PRMT3: variants seen among roughly 807,000 people sequenced by gnomAD.
PRMT3 encodes the protein protein arginine N-methyltransferase 3.
PRMT3 carries 62 observed loss-of-function variants against 71.9 expected under a neutral mutation model. The ratio of observed to expected loss-of-function variants is 0.86; its 90% CI spans 0.70 to 1.07. The LOEUF (loss-of-function observed/expected upper bound fraction) is 1.07, where lower values mean the gene tolerates loss of function less well. PRMT3 is among the 50% of genes least tolerant of loss of function. PRMT3 has a pLI of 0.00. For synonymous variants in PRMT3, 213 were observed against 220.4 expected (o/e 0.97, Z 0.30); for missense variants, 663 against 643.0 (o/e 1.03, Z -0.34).
intron 6 of PRMT3, among the ~76,000 whole-genome samples, chr11:20,396,636 G>T (rs532002033): frequency 3.3e-5 from 5 of 151,364 alleles, no homozygotes; most frequent in African/African-American, 4.9e-5. Context: ...AGACTTTGTC[G>T]GGGTGGGGTC....
chr11:20,493,703 G>C (rs771015410), intron 13 of PRMT3, among the ~76,000 whole-genome samples: 2 of 152,098 alleles, frequency 1.3e-5, no homozygotes, highest in Non-Finnish European at 2.9e-5. Flanking sequence ...TATTTGATTA[G>C]CCTTATTACC....
At chr11:20,502,575 A>G (rs1184408129) in intron 15 of PRMT3, among the ~76,000 whole-genome samples, 1 of 152,076 alleles carries the variant, frequency 6.6e-6, no homozygotes, top group Non-Finnish European at 1.5e-5. Flanking sequence ...ATTCATTTTG[A>G]CTGGGGTTTT....
At position 20,395,929 on chromosome 11, in the gene PRMT3, T is replaced by C. The variant is rs1565192776; in HGVS notation, c.527T>C (p.Leu176Ser). 1.2e-6 allele frequency: 2 copies of C among 1,613,686 alleles called. No homozygotes were observed. Among genetic ancestry groups the C allele is most frequent in the Middle Eastern group, 1.7e-4 (1 of 6,058 alleles). The change falls in exon 6 of 16, where the codon TTG (leucine) becomes TCG (serine). Residue 176 changes from leucine (L) to serine (S), a missense_variant. Leu to Ser is a moderately radical substitution (Grantham distance 145, BLOSUM62 -2). Transcript: ENST00000331079. The part of the protein sequence containing the change: ...EARALSAEAA[L>S]ARAREDLQKM... ...AGGGCACTGTCTGCTGAAGCCGCAT[T>C]GGCCAGAGCACGTGAGGATCTGCAA... is the stretch of plus-strand genomic sequence containing the variant.
chr11:20,470,745 G>A (rs1480525528), intron 13 of PRMT3, among the ~76,000 whole-genome samples: 5 of 152,088 alleles, frequency 3.3e-5, no homozygotes, highest in African/African-American at 1.2e-4. Context: ...ATATTACACT[G>A]GATATATGTA....
chr11:20,498,369 T>G (rs536187289), intron 15 of PRMT3, among the ~76,000 whole-genome samples: 23 of 152,228 alleles, frequency 1.5e-4, no homozygotes, highest in Admixed American at 1.3e-4. Context: ...TTTTTAAAAT[T>G]TTAACATAAG....
chr11:20,492,450 C>T (rs938562759), intron 13 of PRMT3, among the ~76,000 whole-genome samples: 1 of 152,098 alleles, frequency 6.6e-6, no homozygotes, highest in East Asian at 1.9e-4. Flanking sequence ...TTTTGATTCT[C>T]TCTTGGTATC....
At chr11:20,437,889 G>A (rs541441306) in intron 10 of PRMT3, among the ~76,000 whole-genome samples, 5 of 152,058 alleles carry the variant, frequency 3.3e-5, no homozygotes, top group Non-Finnish European at 5.9e-5. Flanking sequence ...GCGCCCGGCC[G>A]GCAGCAGCAT....
intron 9 of PRMT3, 147 bp from the exon 10 acceptor site, chr11:20,426,619 A>T: frequency 2.3e-6 from 2 of 867,718 alleles, no homozygotes; most frequent in Non-Finnish European, 3.1e-6. Flanking sequence ...ACCATAAAAT[A>T]ATTACAATGT....
In PRMT3 at chr11:20,477,937, C is replaced by G. The variant is rs1395333422; in HGVS notation, c.1347+13391C>G. Among the ~76,000 whole-genome samples, 3 of 152,006 alleles carry G rather than the reference C, an allele frequency of 2.0e-5. No homozygotes were observed. In the East Asian group the frequency reaches 5.8e-4, roughly 29 times the overall value. On this transcript the variant is annotated intron_variant, in intron 13 of 15. Transcript: ENST00000331079. ...TTTCTCCAAATTCCAGGGAACTATA[C>G]TAGTGTACCAGTGCACTGGGCCTGG...
intron 10 of PRMT3, among the ~76,000 whole-genome samples, chr11:20,445,976 T>A (rs1200703522): frequency 6.6e-6 from 1 of 152,192 alleles, no homozygotes; most frequent in Non-Finnish European, 1.5e-5. Flanking sequence ...AAAGGTTTTT[T>A]AAATTTTACT....
At chr11:20,404,105 C>T (rs2133315861) in intron 8 of PRMT3, among the ~76,000 whole-genome samples, 1 of 150,846 alleles carries the variant, frequency 6.6e-6, no homozygotes, top group South Asian at 2.1e-4. Context: ...TGATTCCCAC[C>T]AGAGACAAAT....
intron 13 of PRMT3, among the ~76,000 whole-genome samples, chr11:20,469,348 G>A (rs1850589330): frequency 6.6e-6 from 1 of 152,212 alleles, no homozygotes; most frequent in Non-Finnish European, 1.5e-5. Context: ...TACTCTGTAT[G>A]CCAAGTGGCA....
chr11:20,501,706 T>C (rs1446131085), intron 15 of PRMT3, among the ~76,000 whole-genome samples: 1 of 152,224 alleles, frequency 6.6e-6, no homozygotes, highest in Non-Finnish European at 1.5e-5. Context: ...TAGAGTTATT[T>C]TGCCTAGATG....
intron 10 of PRMT3, among the ~76,000 whole-genome samples, chr11:20,434,678 C>T (rs557930878): frequency 2.6e-5 from 4 of 152,122 alleles, no homozygotes; most frequent in East Asian, 1.9e-4. Context: ...ATCTTCAATC[C>T]GATTGAAGGT....
chr11:20,425,661 G>A (rs1186732679), intron 9 of PRMT3, among the ~76,000 whole-genome samples: 1 of 152,122 alleles, frequency 6.6e-6, no homozygotes, highest in Non-Finnish European at 1.5e-5. Flanking sequence ...AAAAGAATCA[G>A]CACGATTCTG....
intron 11 of PRMT3, among the ~76,000 whole-genome samples, chr11:20,455,750 G>A (rs1850254192): frequency 6.6e-6 from 1 of 151,144 alleles, no homozygotes; most frequent in African/African-American, 2.5e-5. Context: ...GTTCTTGAGA[G>A]ATGCGTTGAA....
intron 12 of PRMT3, among the ~76,000 whole-genome samples, chr11:20,462,909 A>G (rs1467303308): frequency 1.4e-5 from 2 of 148,022 alleles, no homozygotes; most frequent in African/African-American, 2.5e-5. Context: ...TCTGTCGCCC[A>G]GGCTGGAGTG....
rs1851663044 is a variant in PRMT3, at chr11:20,508,908, CTA to C, written c.*496_*497del. The C allele has an allele frequency of 5.3e-6, 1 of 188,742 alleles. No homozygotes were observed. Among genetic ancestry groups the C allele is most frequent in the Non-Finnish European group, 1.1e-5 (1 of 88,524 alleles). 11.7% of individuals were successfully genotyped at this position (188,742 alleles called of 1,614,324 possible). The stretch of plus-strand genomic sequence containing the variant: ...TGTAATAAAGATTTGTATAAAAAAA[CTA>C]AAATATGGAAAAGAGCTTCAGCCTT... On this transcript the variant is annotated 3_prime_UTR_variant, in exon 16 of 16. Coordinates refer to ENST00000331079, the MANE Select transcript of PRMT3 (RefSeq NM_005788.4).
intron 15 of PRMT3, among the ~76,000 whole-genome samples, chr11:20,499,800 A>G: frequency 6.6e-6 from 1 of 152,218 alleles, no homozygotes; most frequent in Admixed American, 6.5e-5. Context: ...AATAGACTGA[A>G]TAAAACTAAA....
Sources: allele counts gnomAD v4.1 joint callset (sites outside exome capture counted in the v4.1 genomes callset), GRCh38; gene constraint gnomAD v4.1.1; transcripts MANE v1.5; gene names NCBI Gene and HGNC (gene_info 2026-07-23, HGNC 2026-07-21).